The following FAM222B variants were observed in gnomAD, a reference collection of about 807,000 sequenced individuals.
FAM222B encodes family with sequence similarity 222 member B.
FAM222B carries 12 observed loss-of-function variants against 38.0 expected under a neutral mutation model. The ratio of observed to expected loss-of-function variants is 0.32; its 90% confidence interval spans 0.20 to 0.51. FAM222B has a LOEUF of 0.51. Among genes scored for constraint, FAM222B ranks in the 20% least tolerant of loss-of-function variants. The probability of loss-of-function intolerance (pLI) is 0.97; values close to 1 mark genes in which losing one functional copy is unlikely to be tolerated. For synonymous variants in FAM222B, 329 were observed against 317.2 expected (o/e 1.04, Z -0.40); for missense variants, 716 against 754.2 (o/e 0.95, Z 0.59).
chr17:28,758,328 C>G lies in FAM222B; in HGVS notation c.1631G>C (p.Arg544Pro). 6.2e-7 allele frequency: 1 copy of G among 1,610,498 alleles called. No individual in the cohort carries two copies. Among genetic ancestry groups the G allele is most frequent in the Admixed American group, 1.7e-5 (1 of 59,232 alleles). The stretch of plus-strand genomic sequence containing the variant: ...TCGACTCTCTGTGGGATCGGGGGCT[C>G]GGTTGCCAGGGGCTCGGTGGGCCTT... ...LSKAHRAPGN[R>P]APDPTESRSL... is the part of the protein sequence containing the mutation. Residue 544 changes from arginine (R) to proline (P), a missense_variant, in exon 3 of 3, where the codon CGA becomes CCA. By Grantham distance (103) the Arg-to-Pro change is moderately radical. Coordinates refer to ENST00000581407, the MANE Select transcript of FAM222B (RefSeq NM_001077498.3).
intron 1 of FAM222B, among the ~76,000 whole-genome samples, chr17:28,792,774 C>T (rs2036758033): frequency 7.3e-6 from 1 of 137,410 alleles, no homozygotes; most frequent in Non-Finnish European, 1.6e-5. Flanking sequence ...GAGCGAGGCC[C>T]TATTTCAAAA....
intron 1 of FAM222B, among the ~76,000 whole-genome samples, chr17:28,830,603 T>G (rs1056812724): frequency 1.3e-5 from 2 of 152,192 alleles, no homozygotes; most frequent in Non-Finnish European, 2.9e-5. Flanking sequence ...ATCAACTTTT[T>G]ATTTTTATGG....
chr17:28,776,452 CTTT>C (rs397857136), intron 1 of FAM222B, among the ~76,000 whole-genome samples: 8 of 90,962 alleles, frequency 8.8e-5, no homozygotes, highest in Admixed American at 1.3e-4. Flanking sequence ...CCTAAAAAGA[CTTT>C]TTTTTTTTTT....
At chr17:28,777,647 C>T (rs548621355) in intron 1 of FAM222B, among the ~76,000 whole-genome samples, 4 of 152,226 alleles carry the variant, frequency 2.6e-5, no homozygotes, top group African/African-American at 9.6e-5. Context: ...AAGGATAGCA[C>T]ATACTTTAAT....
intron 1 of FAM222B, among the ~76,000 whole-genome samples, chr17:28,803,262 C>T (rs769265561): frequency 6.6e-6 from 1 of 152,088 alleles, no homozygotes; most frequent in Non-Finnish European, 1.5e-5. Context: ...CCCACCTTGG[C>T]CTCCCAAAGT....
rs545293760 is a variant in FAM222B, at chr17:28,808,387, T to C, written c.-41+34295A>G. 4.6e-4 allele frequency among the ~76,000 whole-genome samples: 70 copies of C among 152,270 alleles called. No individual in the cohort carries two copies. In the South Asian group the frequency reaches 5.4e-3, roughly 12 times the overall value. On this transcript the variant is annotated intron_variant, in intron 1 of 2. Transcript: ENST00000581407. ...ATTTTGAGCCACTGAACAACACACA[T>C]GCATATCCAACAAGGATTCTTAAAG...
intron 1 of FAM222B, among the ~76,000 whole-genome samples, chr17:28,804,748 G>A (rs948171609): frequency 5.9e-5 from 9 of 151,904 alleles, no homozygotes; most frequent in Non-Finnish European, 1.2e-4. Flanking sequence ...TGATGATTAA[G>A]AAACTAAGTG....
intron 1 of FAM222B, among the ~76,000 whole-genome samples, chr17:28,800,012 T>G (rs980378965): frequency 2.6e-5 from 4 of 151,874 alleles, no homozygotes; most frequent in Non-Finnish European, 5.9e-5. Context: ...CTGGCATTTC[T>G]CTGGTTGAGC....
chr17:28,795,343 C>T (rs1367576531), intron 1 of FAM222B, among the ~76,000 whole-genome samples: 2 of 152,166 alleles, frequency 1.3e-5, no homozygotes, highest in Non-Finnish European at 2.9e-5. Flanking sequence ...CAGGGTTTCG[C>T]CGTGTTGGGC....
chr17:28,825,356 G>C (rs2038399282), intron 1 of FAM222B, among the ~76,000 whole-genome samples: 1 of 148,554 alleles, frequency 6.7e-6, no homozygotes, highest in South Asian at 2.1e-4. Context: ...GGATCCCTTA[G>C]CCCGGTGGTG....
intron 1 of FAM222B, among the ~76,000 whole-genome samples, chr17:28,790,883 A>AAATTTTTTTTTTTTTTTTTTTTTTTTT (rs1567838640): frequency 1.1e-4 from 1 of 8,912 alleles, no homozygotes; most frequent in African/African-American, 5.4e-4. Flanking sequence ...AAATTGTTTC[A>AAATTTTTTTTTTTTTTTTTTTTTTTTT]CTTTTTTTTT....
intron 1 of FAM222B, among the ~76,000 whole-genome samples, chr17:28,852,392 G>T (rs760915596): frequency 3.3e-5 from 5 of 151,856 alleles, no homozygotes; most frequent in African/African-American, 1.2e-4. Flanking sequence ...AGTGACTCAC[G>T]CCTGTTATCT....
rs2039093936 is a variant in FAM222B, at chr17:28,842,779, G to A, written c.-138C>T. ...GCCCGGCCCCTCAGTCACCGGCGCA[G>A]CTGTGGGGACTACCCGGAGCCGCTC... is the stretch of plus-strand genomic sequence containing the variant. On this transcript the variant is annotated 5_prime_UTR_variant, in exon 1 of 3. Transcript: ENST00000581407. The A allele has an allele frequency of 6.5e-6, 1 of 153,258 alleles. No individual in the cohort carries two copies. The highest frequency in any genetic ancestry group is 2.4e-5 in the African/African-American group (1 of 41,374). 9.5% of individuals were successfully genotyped at this position (153,258 alleles called of 1,614,324 possible).
At chr17:28,801,905 A>G (rs531577526) in intron 1 of FAM222B, among the ~76,000 whole-genome samples, 4 of 152,204 alleles carry the variant, frequency 2.6e-5, no homozygotes, top group African/African-American at 7.2e-5. Flanking sequence ...TCTCCTTTGA[A>G]GCAACACGAA....
At position 28,767,297 on chromosome 17, in the gene FAM222B, AGGCACCCGCCAC is replaced by A. The variant is rs544114876; in HGVS notation, c.-40-602_-40-591del. Among the ~76,000 whole-genome samples the A allele has an allele frequency of 2.0e-5, 3 of 152,176 alleles. No homozygotes were observed. The East Asian group carries it at 5.8e-4, about 29-fold the overall frequency. ...CAGCCTCCCGAGTAGCTGGGATTAA[AGGCACCCGCCAC>A]CACGCCTGGCTAATTTCTTTGTATT... On this transcript the variant is annotated intron_variant, in intron 1 of 2. Transcript: ENST00000581407.
chr17:28,835,024 TTG>T (rs61229770), intron 1 of FAM222B, among the ~76,000 whole-genome samples: 10,487 of 131,922 alleles, frequency 0.079, 487 homozygotes, highest in African/African-American at 0.13. Flanking sequence ...TCAGCTAATT[TTG>T]TGTGTGTGTG....
At chr17:28,801,160 GA>G (rs1223540473) in intron 1 of FAM222B, among the ~76,000 whole-genome samples, 2,432 of 80,306 alleles carry the variant, frequency 0.03, 67 homozygotes, top group African/African-American at 0.1. Context: ...CCGTCTCAAA[GA>G]AAAAAAAAAA....
intron 1 of FAM222B, among the ~76,000 whole-genome samples, chr17:28,775,387 C>T (rs1363621345): frequency 6.6e-6 from 1 of 151,300 alleles, no homozygotes; most frequent in Non-Finnish European, 1.5e-5. Context: ...CACTTCCCAG[C>T]ATAGCCTCGC....
rs570769670 is a variant in FAM222B at position 28,805,364 on chromosome 17, G to A, written c.-41+37318C>T. On this transcript the variant is annotated intron_variant, in intron 1 of 2. Transcript: ENST00000581407. Reference sequence around the variant, plus strand: ...AACCTGGCCAACATGGTGAAACCCCGTCTCTACTGAAAATTCAAAAATTAG... The same window carrying A: ...AACCTGGCCAACATGGTGAAACCCCATCTCTACTGAAAATTCAAAAATTAG... Among the ~76,000 whole-genome samples the A allele has an allele frequency of 9.9e-5, 15 of 152,162 alleles. No homozygotes were observed. In the South Asian group the frequency reaches 2.5e-3, roughly 25 times the overall value.
Sources: gnomAD v4.1 joint callset for allele counts (sites outside exome capture counted in the v4.1 genomes callset) on GRCh38, gnomAD v4.1.1 for gene constraint, MANE v1.5 for transcripts, NCBI Gene and HGNC (gene_info 2026-07-23, HGNC 2026-07-21) for gene names.